PCDHA3: variants seen among roughly 807,000 people sequenced by gnomAD.
PCDHA3 encodes the protein protocadherin alpha 3.
A neutral mutation model predicts 62.2 loss-of-function variants in PCDHA3; 41 were observed. The ratio of observed to expected loss-of-function variants is 0.66; its 90% CI spans 0.51 to 0.86. The LOEUF is 0.86. Among genes scored for constraint, PCDHA3 ranks in the 40% least tolerant of loss-of-function variants. The pLI, the probability that PCDHA3 is intolerant of heterozygous loss-of-function variation, is 0.00. For missense variants in PCDHA3, 1,304 were observed against 1,241.2 expected, an observed-to-expected ratio of 1.05 and a Z score of -0.76; for synonymous variants, 640 against 555.4, an observed-to-expected ratio of 1.15 and a Z score of -2.14.
intron 1 of PCDHA3, chr5:140,968,074 C>T (rs781940696): frequency 1.2e-6 from 2 of 1,614,020 alleles, no homozygotes; most frequent in African/African-American, 1.3e-5. Context: ...CTGTCTACAA[C>T]ATCACGGTGA....
chr5:140,894,478 A>C (rs2064495460), intron 1 of PCDHA3, among the ~76,000 whole-genome samples: 2 of 151,508 alleles, frequency 1.3e-5, no homozygotes, highest in South Asian at 4.2e-4. Context: ...TCTTGTTTTC[A>C]TCTTATAGTT....
chr5:141,009,545 A>G, intron 3 of PCDHA3, 82 bp from the exon 4 acceptor site: 2 of 1,535,938 alleles, frequency 1.3e-6, no homozygotes, highest in Non-Finnish European at 1.8e-6. Flanking sequence ...CTGCCTATGC[A>G]GTACTCCTGT....
chr5:141,006,992 A>C (rs1187318452), intron 3 of PCDHA3, among the ~76,000 whole-genome samples: 3 of 152,196 alleles, frequency 2.0e-5, no homozygotes, highest in Non-Finnish European at 2.9e-5. Flanking sequence ...GGCTTAAAAT[A>C]TAAGTCTGCA....
intron 1 of PCDHA3, chr5:140,822,844 C>T (rs2150119784): frequency 6.2e-7 from 1 of 1,614,188 alleles, no homozygotes; most frequent in East Asian, 2.2e-5. Flanking sequence ...CCTTTTCCTG[C>T]CTGTCAAAGA....
intron 1 of PCDHA3, chr5:140,835,618 C>G: frequency 6.2e-7 from 1 of 1,613,946 alleles, no homozygotes; most frequent in Non-Finnish European, 8.5e-7. Flanking sequence ...CTGGACAGCG[C>G]TCTGGACCGC....
chr5:140,853,203 G>A lies in PCDHA3; in HGVS notation c.2394+49612G>A. The A allele has an allele frequency of 3.1e-6, 3 of 982,590 alleles. 1 individual carries two copies. 60.9% of individuals were successfully genotyped at this position (982,590 alleles called of 1,614,324 possible). A position where few individuals can be genotyped will look rare whatever the true frequency, so the allele number is the denominator to read the frequency against. The stretch of plus-strand genomic sequence containing the variant: ...CTAAAATGTGTTCTTTATTATTGAC[G>A]GCTGTATTGATGGGATTGGTAATTT... On this transcript the variant is annotated intron_variant, in intron 1 of 3. Coordinates refer to ENST00000522353, the MANE Select transcript of PCDHA3 (RefSeq NM_018906.3).
intron 1 of PCDHA3, chr5:140,834,401 A>T (rs2150216637): frequency 1.9e-6 from 3 of 1,606,010 alleles, no homozygotes; most frequent in South Asian, 1.1e-5. Context: ...GCCCGAATGG[A>T]TACGACCCAG....
Position 140,873,721 on chromosome 5 carries a change from C to T in PCDHA3, c.2394+70130C>T, listed in dbSNP as rs556752313. On this transcript the variant is annotated intron_variant, in intron 1 of 3. Coordinates refer to ENST00000522353, the MANE Select transcript of PCDHA3 (RefSeq NM_018906.3). ...TATCACCCAGGCTGGTGTGCAGTGG[C>T]GCAATCTCAGCTCACTGCAATCTCC... Among the ~76,000 whole-genome samples, 8 of 152,254 alleles carry T rather than the reference C, an allele frequency of 5.3e-5. No individual in the cohort carries two copies. In the South Asian group the frequency reaches 1.0e-3, roughly 20 times the overall value.
At chr5:140,877,853 AT>A in intron 1 of PCDHA3, 2 of 1,535,524 alleles carry the variant, frequency 1.3e-6, no homozygotes, top group Non-Finnish European at 1.7e-6. Context: ...AGTTATTAAT[AT>A]TATTTAGATA....
intron 1 of PCDHA3, chr5:140,930,281 A>G (rs1554207692): frequency 6.6e-6 from 1 of 152,242 alleles, no homozygotes; most frequent in Non-Finnish European, 1.5e-5. Flanking sequence ...TAGGGGACAA[A>G]TACACTTAAC....
intron 1 of PCDHA3, among the ~76,000 whole-genome samples, chr5:140,924,907 A>T (rs538089373): frequency 0.035 from 1,776 of 50,942 alleles, 16 homozygotes; most frequent in Non-Finnish European, 0.042. Context: ...AAAAAAAAAT[A>T]AAATAAAATA....
chr5:140,841,818 C>G, intron 1 of PCDHA3: 1 of 1,613,912 alleles, frequency 6.2e-7, no homozygotes, highest in African/African-American at 1.3e-5. Context: ...GGAGCTAACT[C>G]CGTGTTAACC....
In PCDHA3 at chr5:140,858,056, G is replaced by A; in HGVS notation, c.2394+54465G>A. ...GGCCACTGTGCTTGTGTCGCTTGTG[G>A]AGGGCAGCCAGGCACCCAAGGCCTC... is the stretch of plus-strand genomic sequence containing the variant. On this transcript the variant is annotated intron_variant, in intron 1 of 3. Transcript: ENST00000522353. 1.9e-6 allele frequency: 3 copies of A among 1,597,644 alleles called. 1 individual carries two copies. The highest frequency in any genetic ancestry group is 2.6e-6 in the Non-Finnish European group (3 of 1,167,552).
At chr5:140,969,702 C>A (rs1305755991) in intron 1 of PCDHA3, among the ~76,000 whole-genome samples, 1 of 152,144 alleles carries the variant, frequency 6.6e-6, no homozygotes, top group African/African-American at 2.4e-5. Context: ...TCTGCTGTAT[C>A]ATCTACAGGG....
At chr5:140,933,901 CAT>C (rs1354614736) in intron 1 of PCDHA3, among the ~76,000 whole-genome samples, 33 of 151,882 alleles carry the variant, frequency 2.2e-4, no homozygotes, top group African/African-American at 7.7e-4. Flanking sequence ...AATATTTTGG[CAT>C]AAAGTTGTTT....
At chr5:140,839,904 A>G (rs2150301613) in intron 1 of PCDHA3, among the ~76,000 whole-genome samples, 18 of 152,076 alleles carry the variant, frequency 1.2e-4, no homozygotes, top group African/African-American at 4.3e-4. Context: ...AAGATGAAGT[A>G]ATAGAAGAAA....
At chr5:140,828,117 T>C (rs923663233) in intron 1 of PCDHA3, 7 of 1,612,442 alleles carry the variant, frequency 4.3e-6, no homozygotes, top group Non-Finnish European at 5.9e-6. Context: ...GAGGATAGAT[T>C]GGGAAAGCAA....
Position 141,010,119 on chromosome 5 carries a change from A to G in PCDHA3, c.*182A>G. 6.2e-7 allele frequency: 1 copy of G among 1,608,062 alleles called. No homozygotes were observed. On this transcript the variant is annotated 3_prime_UTR_variant, in exon 4 of 4. Transcript: ENST00000522353. ...TAACAGGTTTTGTCGTAAAAGCTTT[A>G]CTAAGTCTGGTGTTAACTCTTTCTC...
At chr5:140,836,574 G>C in intron 1 of PCDHA3, 10 of 1,613,706 alleles carry the variant, frequency 6.2e-6, no homozygotes, top group Non-Finnish European at 8.5e-6. Context: ...CTCTGAGGGC[G>C]CATGTAGTTT....
Sources: gnomAD v4.1 joint callset for allele counts (sites outside exome capture counted in the v4.1 genomes callset) on GRCh38, gnomAD v4.1.1 for gene constraint, MANE v1.5 for transcripts, NCBI Gene and HGNC (gene_info 2026-07-23, HGNC 2026-07-21) for gene names.